The following CCDC158 variants were observed in gnomAD, a reference collection of about 807,000 sequenced individuals.
CCDC158 encodes coiled-coil domain-containing protein 158.
Under a neutral mutation model 138.6 loss-of-function variants are expected in CCDC158, and 116 were observed. The ratio of observed to expected loss-of-function variants is 0.84; its 90% confidence interval spans 0.72 to 0.98. The LOEUF is 0.98. CCDC158 is among the 50% of genes least tolerant of loss of function. The pLI is 0.00. For missense variants in CCDC158, 1,265 were observed against 1,306.1 expected (o/e 0.97, Z 0.48); for synonymous variants, 436 against 442.4 (o/e 0.99, Z 0.18).
chr4:76,374,581 T>C (rs1725549888), intron 9 of CCDC158, among the ~76,000 whole-genome samples: 1 of 152,210 alleles, frequency 6.6e-6, no homozygotes, highest in Non-Finnish European at 1.5e-5. Flanking sequence ...AATACTTTAT[T>C]CCACAAGAAC....
intron 4 of CCDC158, among the ~76,000 whole-genome samples, chr4:76,391,398 C>T (rs1727294786): frequency 6.6e-6 from 1 of 151,786 alleles, no homozygotes; most frequent in African/African-American, 2.4e-5. Flanking sequence ...TACAAATACA[C>T]AGAAATTAAA....
chr4:76,384,699 T>C (rs1245048349), intron 4 of CCDC158, 34 bp from the exon 5 acceptor site: 29 of 1,420,152 alleles, frequency 2.0e-5, no homozygotes, highest in Non-Finnish European at 2.6e-5. Context: ...TAATCTTCAT[T>C]AGAGAAACAC....
chr4:76,313,061 C>A lies in CCDC158; in HGVS notation c.*109G>T. On this transcript the variant is annotated 3_prime_UTR_variant, in exon 25 of 25. Transcript: ENST00000682701. ...AAATAGAGTTTACAAGACAGGGTAT[C>A]TTTTATTAAATTTTCACATAAAAAG... 1.6e-6 allele frequency: 1 copy of A among 629,748 alleles called. No homozygotes were observed. The allele number at this position is 629,748 out of a possible 1,614,324, so 39.0% of individuals were successfully genotyped here.
intron 8 of CCDC158, among the ~76,000 whole-genome samples, chr4:76,381,930 C>T (rs113687623): frequency 0.031 from 4,485 of 143,672 alleles, 223 homozygotes; most frequent in African/African-American, 0.11. Context: ...ATCTGCCCGC[C>T]TCAGCCTCCC....
At chr4:76,353,637 T>A (rs1723262454) in intron 15 of CCDC158, among the ~76,000 whole-genome samples, 1 of 152,234 alleles carries the variant, frequency 6.6e-6, no homozygotes. Context: ...CAGAGATTTT[T>A]AAAAGATGCA....
At chr4:76,392,557 C>A (rs562275803) in intron 4 of CCDC158, among the ~76,000 whole-genome samples, 1 of 151,942 alleles carries the variant, frequency 6.6e-6, no homozygotes, top group African/African-American at 2.4e-5. Context: ...AAATTGAAAG[C>A]CTTTCCTGTA....
chr4:76,415,213 T>C (rs1031037232), intron 1 of CCDC158, among the ~76,000 whole-genome samples: 10 of 152,192 alleles, frequency 6.6e-5, no homozygotes, highest in Admixed American at 5.9e-4. Context: ...GCCCCTTCTC[T>C]AAAGATCTGT....
rs1726037134 is a variant in CCDC158, at chr4:76,379,620, A to G, written c.915-216T>C. 2.0e-5 allele frequency among the ~76,000 whole-genome samples: 3 copies of G among 152,190 alleles called. No homozygotes were observed. In the South Asian group the frequency reaches 6.2e-4, roughly 32 times the overall value. The stretch of plus-strand genomic sequence containing the variant: ...TGACAGCTGTATGGGAGTGCATTAC[A>G]CTATTTTCTCTCTACTTTTGTATAT... On this transcript the variant is annotated intron_variant, in intron 8 of 24. Transcript: ENST00000682701.
intron 18 of CCDC158, among the ~76,000 whole-genome samples, chr4:76,348,268 CAAAAA>C (rs11453657): frequency 4.0e-5 from 5 of 125,946 alleles, no homozygotes; most frequent in African/African-American, 1.5e-4. Context: ...ACTAAATATA[CAAAAA>C]AAAAAAAAAA....
At chr4:76,374,192 G>A (rs1244176978) in intron 9 of CCDC158, among the ~76,000 whole-genome samples, 6 of 151,880 alleles carry the variant, frequency 4.0e-5, no homozygotes, top group Non-Finnish European at 8.8e-5. Context: ...CTCCTTTTGG[G>A]GCATATACAG....
At position 76,367,342 on chromosome 4, in the gene CCDC158, T is replaced by C. The variant is rs774878880; in HGVS notation, c.1782A>G (p.Gln594=). 8.1e-6 allele frequency: 13 copies of C among 1,613,924 alleles called. No individual in the cohort carries two copies. Among genetic ancestry groups the C allele is most frequent in the South Asian group, 3.3e-5 (3 of 91,068 alleles). ...GCCTATCATTAATTTCTTTCTCCAGTTGAGCTTTTTCTACTTGCATAGCTC... is the reference window on the plus strand; with the variant it reads ...GCCTATCATTAATTTCTTTCTCCAGCTGAGCTTTTTCTACTTGCATAGCTC... ...TAGAMQVEKA[Q]LEKEINDRRM... Residue 594 remains glutamine, a synonymous_variant, in exon 12 of 25, where the codon CAA becomes CAG. Coordinates refer to ENST00000682701, the MANE Select transcript of CCDC158 (RefSeq NM_001394954.1).
intron 12 of CCDC158, among the ~76,000 whole-genome samples, chr4:76,365,582 C>A (rs966061783): frequency 6.6e-6 from 1 of 152,200 alleles, no homozygotes; most frequent in Non-Finnish European, 1.5e-5. Flanking sequence ...GACTAGGCTT[C>A]TTCCCGGGCT....
At chr4:76,348,926 A>C (rs1722814209) in intron 18 of CCDC158, among the ~76,000 whole-genome samples, 1 of 152,240 alleles carries the variant, frequency 6.6e-6, no homozygotes, top group African/African-American at 2.4e-5. Flanking sequence ...AATTTTCTCA[A>C]ATTGATGAAG....
intron 1 of CCDC158, among the ~76,000 whole-genome samples, chr4:76,417,254 T>C (rs911560581): frequency 6.6e-6 from 1 of 152,256 alleles, no homozygotes; most frequent in Admixed American, 6.5e-5. Flanking sequence ...AATGGCTATA[T>C]GTACCCAATA....
At chr4:76,356,996 G>T (rs1468974903) in intron 14 of CCDC158, among the ~76,000 whole-genome samples, 2 of 152,012 alleles carry the variant, frequency 1.3e-5, no homozygotes, top group Admixed American at 1.3e-4. Context: ...CTGCCAACTA[G>T]CCAGGGACCT....
intron 3 of CCDC158, chr4:76,401,366 C>A: frequency 2.0e-6 from 1 of 502,090 alleles, no homozygotes; most frequent in Admixed American, 2.0e-5. Flanking sequence ...CCAGAGAAAG[C>A]AGCATGATGA....
At chr4:76,332,146 A>G (rs2110103889) in intron 20 of CCDC158, among the ~76,000 whole-genome samples, 1 of 152,312 alleles carries the variant, frequency 6.6e-6, no homozygotes, top group South Asian at 2.1e-4. Flanking sequence ...ATATGTGTAA[A>G]TGTAGAAAAA....
intron 22 of CCDC158, among the ~76,000 whole-genome samples, chr4:76,327,843 A>G (rs1720666362): frequency 6.6e-6 from 1 of 152,210 alleles, no homozygotes; most frequent in Admixed American, 6.5e-5. Context: ...AACAATCATC[A>G]TCACAGTTTC....
chr4:76,378,641 G>T (rs773273680), intron 9 of CCDC158, among the ~76,000 whole-genome samples: 23 of 151,974 alleles, frequency 1.5e-4, no homozygotes, highest in Middle Eastern at 3.4e-3. Context: ...CTTAATGGCA[G>T]CTCCTTGTTT....
Sources: allele counts gnomAD v4.1 joint callset (sites outside exome capture counted in the v4.1 genomes callset), GRCh38; gene constraint gnomAD v4.1.1; transcripts MANE v1.5; gene names NCBI Gene and HGNC (gene_info 2026-07-23, HGNC 2026-07-21).